The following MAP7 variants were observed in gnomAD, a reference collection of about 807,000 sequenced individuals.
The protein encoded by MAP7 is ensconsin.
Under a neutral mutation model 94.8 loss-of-function variants are expected in MAP7, and 52 were observed. The observed-to-expected ratio is 0.55, with a 90% CI of 0.44 to 0.69. The LOEUF is 0.69. Ranked by LOEUF, MAP7 falls within the 30% of genes least tolerant of loss-of-function variation. MAP7 has a pLI of 0.00. For missense variants in MAP7, 940 were observed against 964.6 expected (o/e 0.97, Z 0.34); for synonymous variants, 350 against 357.0 (o/e 0.98, Z 0.22).
At chr6:136,481,758 G>A (rs1161112414) in intron 1 of MAP7, among the ~76,000 whole-genome samples, 1 of 152,104 alleles carries the variant, frequency 6.6e-6, no homozygotes, top group Non-Finnish European at 1.5e-5. Context: ...AACTAAAAGA[G>A]TATAACTGGA....
At chr6:136,411,480 T>C in intron 3 of MAP7, 140 bp downstream of exon 3, 1 of 706,622 alleles carries the variant, frequency 1.4e-6, no homozygotes, top group Non-Finnish European at 2.4e-6. Context: ...TTAAAACTTA[T>C]CCCTATGTTT....
At chr6:136,424,614 G>A (rs1169083501) in intron 1 of MAP7, among the ~76,000 whole-genome samples, 5 of 152,208 alleles carry the variant, frequency 3.3e-5, no homozygotes, top group African/African-American at 1.2e-4. Context: ...ATGTGCCTGT[G>A]CAATCCACAT....
At chr6:136,547,189 C>A (rs141111791) in intron 1 of MAP7, among the ~76,000 whole-genome samples, 1 of 152,276 alleles carries the variant, frequency 6.6e-6, no homozygotes, top group Non-Finnish European at 1.5e-5. Flanking sequence ...ACGAAAGAGG[C>A]CATGTTCACC....
intron 2 of MAP7, among the ~76,000 whole-genome samples, chr6:136,414,875 C>T (rs1242864712): frequency 6.0e-5 from 9 of 149,218 alleles, no homozygotes; most frequent in East Asian, 2.0e-4. Flanking sequence ...AGTGCAGTGG[C>T]GTGATCTCAG....
chr6:136,462,966 A>AT (rs1805745708), intron 1 of MAP7, among the ~76,000 whole-genome samples: 2 of 151,466 alleles, frequency 1.3e-5, no homozygotes, highest in South Asian at 4.2e-4. Flanking sequence ...AAAAAAAAAA[A>AT]AAAAGAAAAC....
chr6:136,498,550 T>C (rs1464585928), intron 1 of MAP7, among the ~76,000 whole-genome samples: 2 of 152,020 alleles, frequency 1.3e-5, no homozygotes, highest in East Asian at 3.8e-4. Flanking sequence ...TGCACCTGTG[T>C]CTAAGGGAAC....
At chr6:136,391,709 T>C (rs549142328) in intron 3 of MAP7, among the ~76,000 whole-genome samples, 2 of 148,926 alleles carry the variant, frequency 1.3e-5, no homozygotes, top group East Asian at 3.9e-4. Flanking sequence ...ACAATAAGTA[T>C]TTACTGAATG....
At chr6:136,466,995 C>A in intron 1 of MAP7, 1 of 1,068,660 alleles carries the variant, frequency 9.4e-7, no homozygotes, top group Non-Finnish European at 1.2e-6. Flanking sequence ...AAACAGTAAC[C>A]GTGTTCACTG....
At chr6:136,445,765 C>G (rs1409149235) in intron 1 of MAP7, among the ~76,000 whole-genome samples, 1 of 152,222 alleles carries the variant, frequency 6.6e-6, no homozygotes, top group Non-Finnish European at 1.5e-5. Flanking sequence ...AGGAGGCACA[C>G]TCATCTATAT....
At chr6:136,459,515 CA>C (rs1804473891) in intron 1 of MAP7, among the ~76,000 whole-genome samples, 2 of 152,076 alleles carry the variant, frequency 1.3e-5, no homozygotes, top group South Asian at 4.1e-4. Context: ...ATTAATTGTT[CA>C]TCTACAAGTG....
At chr6:136,424,393 T>C (rs1024604643) in intron 1 of MAP7, among the ~76,000 whole-genome samples, 1 of 152,060 alleles carries the variant, frequency 6.6e-6, no homozygotes, top group African/African-American at 2.4e-5. Flanking sequence ...GCTAGCCTTA[T>C]GAAATCTTTA....
chr6:136,360,649 T>TA, intron 13 of MAP7, 48 bp downstream of exon 13: 1 of 1,553,348 alleles, frequency 6.4e-7, no homozygotes, highest in Non-Finnish European at 8.9e-7. Flanking sequence ...CTCTGGGTCT[T>TA]AGAGGTGCAA....
intron 1 of MAP7, chr6:136,466,763 T>C (rs554599898): frequency 3.8e-5 from 58 of 1,535,006 alleles, no homozygotes; most frequent in Non-Finnish European, 4.6e-5. Context: ...GAACTTACAG[T>C]ACAGTTTAGT....
intron 1 of MAP7, among the ~76,000 whole-genome samples, chr6:136,470,625 A>C (rs1808661843): frequency 6.6e-6 from 1 of 151,266 alleles, no homozygotes. Flanking sequence ...CATTTTCCCC[A>C]CCCTCCTCTG....
intron 1 of MAP7, among the ~76,000 whole-genome samples, chr6:136,440,821 A>T (rs1464115466): frequency 6.6e-6 from 1 of 150,972 alleles, no homozygotes; most frequent in African/African-American, 2.4e-5. Context: ...AAAATATTTA[A>T]GGTCTTAAAA....
intron 10 of MAP7, chr6:136,364,320 A>C (rs1052624330): frequency 2.0e-6 from 1 of 495,658 alleles, no homozygotes; most frequent in Non-Finnish European, 4.0e-6. Flanking sequence ...CCTCATCTGC[A>C]ATGGAGGAGC....
In MAP7 at chr6:136,503,254, T is replaced by G. The variant is rs112772441; in HGVS notation, c.67+47088A>C. Among the ~76,000 whole-genome samples, 1,170 of 152,312 alleles carry G rather than the reference T, an allele frequency of 7.7e-3. 19 individuals are homozygous for G. The highest frequency in any genetic ancestry group is 0.026 in the African/African-American group (1,091 of 41,564). ...CGGCCAACTTAACTTTTTATGTACT[T>G]TGCTTTTTCTCTGCCCACCTAATAG... On this transcript the variant is annotated intron_variant, in intron 1 of 17. Transcript: ENST00000354570.
At chr6:136,377,486 G>C (rs1423252120) in intron 7 of MAP7, among the ~76,000 whole-genome samples, 1 of 152,214 alleles carries the variant, frequency 6.6e-6, no homozygotes, top group Non-Finnish European at 1.5e-5. Context: ...TACTTTCTTC[G>C]GGTAATGTTA....
At position 136,356,738 on chromosome 6, in the gene MAP7, T is replaced by C; in HGVS notation, c.1969A>G (p.Ser657Gly). The change falls in exon 16 of 18, where the codon AGC becomes GGC. Residue 657 changes from serine (S) to glycine (G), a missense_variant. Transcript: ENST00000354570. ...TGGTGTGAGGTAACCACATGTGGGC[T>C]GCCAACTGGCTTTCCATTTCCCGGA... ...NAPGNGKPVG[S>G]PHVVTSHQSK... is the part of the protein sequence containing the mutation. 6.2e-7 allele frequency: 1 copy of C among 1,614,224 alleles called. No homozygotes were observed. Among genetic ancestry groups the C allele is most frequent in the Non-Finnish European group, 8.5e-7 (1 of 1,180,032 alleles).
Sources: gnomAD v4.1 joint callset for allele counts (sites outside exome capture counted in the v4.1 genomes callset) on GRCh38, gnomAD v4.1.1 for gene constraint, MANE v1.5 for transcripts, NCBI Gene and HGNC (gene_info 2026-07-23, HGNC 2026-07-21) for gene names.